CCDC191: variants seen among roughly 807,000 people sequenced by gnomAD.
The protein encoded by CCDC191 is coiled-coil domain containing 191.
CCDC191 carries 99 observed loss-of-function variants against 114.0 expected under a neutral mutation model. That is an observed-to-expected ratio of 0.87 (90% CI 0.74 to 1.03). CCDC191 has a LOEUF of 1.03. Among genes scored for constraint, CCDC191 ranks in the 50% least tolerant of loss-of-function variants. CCDC191 has a pLI of 0.00. For missense variants in CCDC191, 973 were observed against 1,087.0 expected (o/e 0.90, Z 1.47); for synonymous variants, 351 against 376.0 (o/e 0.93, Z 0.77).
intron 13 of CCDC191, among the ~76,000 whole-genome samples, chr3:113,990,931 CAAAAAA>C (rs35483860): frequency 4.2e-5 from 2 of 47,632 alleles, no homozygotes; most frequent in Non-Finnish European, 7.6e-5. Flanking sequence ...TAAAGCACCT[CAAAAAA>C]AAAAAAAAAA....
At chr3:114,046,036 G>A (rs922799058) in intron 3 of CCDC191, among the ~76,000 whole-genome samples, 1 of 152,180 alleles carries the variant, frequency 6.6e-6, no homozygotes, top group Non-Finnish European at 1.5e-5. Flanking sequence ...CATCCAAATG[G>A]AAGTTGGCTT....
intron 2 of CCDC191, among the ~76,000 whole-genome samples, chr3:114,050,149 A>G (rs2076682080): frequency 1.3e-5 from 2 of 152,250 alleles, no homozygotes; most frequent in African/African-American, 4.8e-5. Flanking sequence ...TAAAGGAACT[A>G]TCTCAGTTAT....
At chr3:114,039,949 C>A (rs1322044086) in intron 4 of CCDC191, among the ~76,000 whole-genome samples, 1 of 152,128 alleles carries the variant, frequency 6.6e-6, no homozygotes, top group Non-Finnish European at 1.5e-5. Flanking sequence ...TTTAAGTCTA[C>A]AGTAGCGTAT....
chr3:113,976,806 G>C (rs528349636), intron 16 of CCDC191, among the ~76,000 whole-genome samples: 2 of 152,118 alleles, frequency 1.3e-5, no homozygotes, highest in Admixed American at 1.3e-4. Context: ...AAGGTTATTT[G>C]TTCAGGGTCA....
At position 114,005,980 on chromosome 3, in the gene CCDC191, G is replaced by A. The variant is rs775571750; in HGVS notation, c.1414-18C>T. Reference sequence around the variant, plus strand: ...GCAGTCTCCTGAGAGAGAGAAACATGTTATAGCTCAACTATTTAAAGGACT... The same window carrying A: ...GCAGTCTCCTGAGAGAGAGAAACATATTATAGCTCAACTATTTAAAGGACT... On this transcript the variant is annotated intron_variant, in intron 9 of 16. Transcript: ENST00000295878. The A allele has an allele frequency of 6.9e-6, 11 of 1,594,708 alleles. No individual in the cohort carries two copies. Among genetic ancestry groups the A allele is most frequent in the South Asian group, 4.4e-5 (4 of 90,698 alleles).
intron 4 of CCDC191, among the ~76,000 whole-genome samples, chr3:114,040,103 C>G (rs2076540670): frequency 6.6e-6 from 1 of 152,116 alleles, no homozygotes; most frequent in South Asian, 2.1e-4. Context: ...ATGTACTGTA[C>G]CTTTTTTTGA....
intron 13 of CCDC191, among the ~76,000 whole-genome samples, chr3:113,983,518 A>T (rs949989644): frequency 1.3e-5 from 2 of 152,126 alleles, no homozygotes; most frequent in Admixed American, 6.6e-5. Context: ...AGCATCCAGG[A>T]GCTCAAATAT....
chr3:113,989,609 CTAAG>C (rs1208611439), intron 13 of CCDC191, among the ~76,000 whole-genome samples: 1 of 152,036 alleles, frequency 6.6e-6, no homozygotes, highest in Non-Finnish European at 1.5e-5. Flanking sequence ...ATATTTTGAA[CTAAG>C]TAAAGATAAA....
intron 13 of CCDC191, among the ~76,000 whole-genome samples, chr3:113,999,905 A>G (rs909760037): frequency 6.6e-6 from 1 of 152,214 alleles, no homozygotes; most frequent in Non-Finnish European, 1.5e-5. Flanking sequence ...AACATCACAC[A>G]AGGACTTTAC....
chr3:114,053,264 G>A (rs1474965682), intron 2 of CCDC191, among the ~76,000 whole-genome samples: 1 of 152,142 alleles, frequency 6.6e-6, no homozygotes, highest in East Asian at 1.9e-4. Context: ...TGTAACTACA[G>A]TGCAGTCTTT....
chr3:114,012,246 AG>A (rs1279291586), intron 8 of CCDC191, among the ~76,000 whole-genome samples: 1 of 151,980 alleles, frequency 6.6e-6, no homozygotes, highest in Non-Finnish European at 1.5e-5. Flanking sequence ...TGTGTGTAAA[AG>A]TTTCACCAAA....
intron 3 of CCDC191, 39 bp downstream of exon 3, chr3:114,046,552 A>G (rs377020262): frequency 4.8e-5 from 59 of 1,220,898 alleles, no homozygotes; most frequent in Non-Finnish European, 6.7e-5. Context: ...TTATGCTTTA[A>G]GAATTGTTAA....
At chr3:114,040,166 T>C (rs1279354823) in intron 4 of CCDC191, among the ~76,000 whole-genome samples, 2 of 152,204 alleles carry the variant, frequency 1.3e-5, no homozygotes, top group African/African-American at 2.4e-5. Context: ...TTGCCTGTAG[T>C]ATTAAGTAGC....
At chr3:113,965,559 T>A (rs1940043292) in intron 16 of CCDC191, among the ~76,000 whole-genome samples, 200 bp from the exon 17 acceptor site, 1 of 152,052 alleles carries the variant, frequency 6.6e-6, no homozygotes, top group Non-Finnish European at 1.5e-5. Context: ...AGTGACTGAT[T>A]GATTGATAGG....
intron 5 of CCDC191, among the ~76,000 whole-genome samples, 183 bp downstream of exon 5, chr3:114,036,425 A>T (rs532297996): frequency 6.6e-6 from 1 of 152,100 alleles, no homozygotes; most frequent in South Asian, 2.1e-4. Flanking sequence ...ATTGTTTCCT[A>T]CCCTCAGTTT....
chr3:114,010,698 CA>C, intron 9 of CCDC191, 73 bp downstream of exon 9: 1 of 1,448,432 alleles, frequency 6.9e-7, no homozygotes, highest in Non-Finnish European at 9.4e-7. Flanking sequence ...AGCAATCTGA[CA>C]ATGACTGACA....
Position 113,980,631 on chromosome 3 carries a change from T to A in CCDC191, c.2307+19A>T. On this transcript the variant is annotated intron_variant, in intron 14 of 16. Transcript: ENST00000295878. ...AAAGTCCATTTTCTAATCTGGGGGA[T>A]AACAGTGGGACAGTGTACCTGGATG... 1 of 1,544,332 alleles carries A rather than the reference T, an allele frequency of 6.5e-7. No individual in the cohort carries two copies. Among genetic ancestry groups the A allele is most frequent in the African/African-American group, 1.4e-5 (1 of 70,432 alleles).
chr3:113,972,488 C>T (rs1437068139), intron 16 of CCDC191, among the ~76,000 whole-genome samples: 1 of 151,962 alleles, frequency 6.6e-6, no homozygotes, highest in Non-Finnish European at 1.5e-5. Flanking sequence ...GTTTTGTGGC[C>T]TAAGATATGG....
intron 13 of CCDC191, among the ~76,000 whole-genome samples, chr3:113,997,599 G>A (rs780365812): frequency 1.3e-5 from 2 of 152,102 alleles, no homozygotes; most frequent in Non-Finnish European, 2.9e-5. Flanking sequence ...AAATAATGGG[G>A]GCATGTCAAA....
Sources: gnomAD v4.1 joint callset for allele counts (sites outside exome capture counted in the v4.1 genomes callset) on GRCh38, gnomAD v4.1.1 for gene constraint, MANE v1.5 for transcripts, NCBI Gene and HGNC (gene_info 2026-07-23, HGNC 2026-07-21) for gene names.